ATP11C: variants seen among roughly 807,000 people sequenced by gnomAD.
ATP11C encodes the protein ATPase phospholipid transporting 11C (ATP11C blood group).
A neutral mutation model predicts 97.4 loss-of-function variants in ATP11C; 36 were observed. The ratio of observed to expected loss-of-function variants is 0.37; its 90% confidence interval spans 0.28 to 0.49. ATP11C has a LOEUF of 0.49. Ranked by LOEUF, ATP11C falls within the 20% of genes least tolerant of loss-of-function variation. The pLI is 0.98. For synonymous variants in ATP11C, 275 were observed against 290.9 expected, an observed-to-expected ratio of 0.95 and a Z score of 0.56; for missense variants, 730 against 824.6, an observed-to-expected ratio of 0.89 and a Z score of 1.40.
intron 18 of ATP11C, among the ~76,000 whole-genome samples, chrX:139,776,808 C>T (rs1416679100): frequency 8.9e-6 from 1 of 111,896 alleles, no homozygotes; most frequent in African/African-American, 3.3e-5. Context: ...GACACCTCCA[C>T]ACCCTTAGCC....
At chrX:139,753,701 G>C (rs2081871719) in intron 23 of ATP11C, among the ~76,000 whole-genome samples, 1 of 111,088 alleles carries the variant, frequency 9.0e-6, no homozygotes, top group South Asian at 3.8e-4. Flanking sequence ...TCAGCTACTT[G>C]GGAGGCTGAG....
At chrX:139,928,536 T>C (rs2085387915) in intron 1 of ATP11C, among the ~76,000 whole-genome samples, 1 of 112,143 alleles carries the variant, frequency 8.9e-6, no homozygotes, top group African/African-American at 3.2e-5. Context: ...CTCCATATAT[T>C]GCTTCATTAG....
At chrX:139,815,462 T>A (rs1179017726) in intron 4 of ATP11C, among the ~76,000 whole-genome samples, 1 of 111,849 alleles carries the variant, frequency 8.9e-6, no homozygotes, top group Non-Finnish European at 1.9e-5. Context: ...CAGAGAATAA[T>A]AGAAAAGGCA....
intron 1 of ATP11C, among the ~76,000 whole-genome samples, chrX:139,871,516 CTTT>C (rs1206468631): frequency 2.6e-5 from 2 of 77,180 alleles, no homozygotes. Flanking sequence ...GCCACCCCCG[CTTT>C]TTTTTTTTTT....
At chrX:139,931,376 C>A (rs1194809774) in intron 1 of ATP11C, among the ~76,000 whole-genome samples, 3 of 112,196 alleles carry the variant, frequency 2.7e-5, no homozygotes, top group South Asian at 3.7e-4. Flanking sequence ...GCAGCACGGG[C>A]AGTGGCGGCG....
chrX:139,781,534 G>A (rs1465613714), intron 18 of ATP11C, among the ~76,000 whole-genome samples: 1 of 111,068 alleles, frequency 9.0e-6, no homozygotes. Flanking sequence ...CCAACATGGC[G>A]AAACCCCGCC....
chrX:139,796,189 G>A, intron 12 of ATP11C, 84 bp downstream of exon 12: 1 of 708,123 alleles, frequency 1.4e-6, no homozygotes, highest in Non-Finnish European at 2.0e-6. Context: ...ATGTGACATG[G>A]TCACATATAT....
chrX:139,914,086 CTT>C, intron 1 of ATP11C, among the ~76,000 whole-genome samples: 1 of 111,985 alleles, frequency 8.9e-6, no homozygotes, highest in Non-Finnish European at 1.9e-5. Context: ...TGGGAAATAA[CTT>C]AGATATATAT....
At chrX:139,929,183 G>A (rs1167125555) in intron 1 of ATP11C, among the ~76,000 whole-genome samples, 1 of 111,556 alleles carries the variant, frequency 9.0e-6, no homozygotes, top group Non-Finnish European at 1.9e-5. Flanking sequence ...GAGAACAGGT[G>A]GTGCTTTTAT....
intron 22 of ATP11C, among the ~76,000 whole-genome samples, chrX:139,761,639 T>G (rs1025850370): frequency 3.6e-5 from 4 of 111,915 alleles, no homozygotes; most frequent in Non-Finnish European, 7.5e-5. Context: ...AAATGTTCTA[T>G]TTTTTGATTG....
rs2082564545 is a variant in ATP11C at position 139,785,989 on chromosome X, A to C, written c.1593-690T>G. Among the ~76,000 whole-genome samples the C allele has an allele frequency of 1.8e-5, 2 of 111,355 alleles. 1 individual carries two copies. The highest frequency in any genetic ancestry group is 1.9e-4 in the Admixed American group (2 of 10,433). The stretch of plus-strand genomic sequence containing the variant: ...TTAAGTAGTTCACCAATGCCCAAAA[A>C]ACTCATCAATAGGGGAATAGTAAGA... On this transcript the variant is annotated intron_variant, in intron 15 of 29. Coordinates refer to ENST00000682941, the MANE Select transcript of ATP11C (RefSeq NM_001353812.2).
At chrX:139,740,762 G>A (rs1326800641) in intron 27 of ATP11C, among the ~76,000 whole-genome samples, 2 of 111,156 alleles carry the variant, frequency 1.8e-5, no homozygotes, top group African/African-American at 6.5e-5. Context: ...AGCTACCAAA[G>A]GGAGGTCTTC....
chrX:139,899,403 A>G (rs1236786506), intron 1 of ATP11C, among the ~76,000 whole-genome samples: 3 of 108,187 alleles, frequency 2.8e-5, no homozygotes, highest in African/African-American at 1.0e-4. Context: ...CTTGCACCTG[A>G]GAGGCAGAGG....
rs1263335193 is a variant in ATP11C, at chrX:139,750,037, G to A, written c.2816C>T (p.Pro939Leu). 2 of 1,200,397 alleles carry A rather than the reference G, an allele frequency of 1.7e-6. No homozygotes were observed. The highest frequency in any genetic ancestry group is 3.5e-5 in the African/African-American group (2 of 56,939). Residue 939 changes from proline (P) to leucine (L), a missense_variant, in exon 24 of 30, where the codon CCC becomes CTC. Transcript: ENST00000682941. ...ATATTTAACTTACATATACAATCGG[G>A]GATCTGAGGTCAGAGTGTCAATGTT... ...HINIDTLTSD[P>L]RLYMKISGNA...
chrX:139,820,648 G>C (rs930673466), intron 2 of ATP11C, among the ~76,000 whole-genome samples: 4 of 109,236 alleles, frequency 3.7e-5, no homozygotes, highest in Non-Finnish European at 7.6e-5. Context: ...TTGGTAATTG[G>C]TAATAGGTAA....
chrX:139,928,322 AATAC>A (rs1449996695), intron 1 of ATP11C, among the ~76,000 whole-genome samples: 3 of 112,099 alleles, frequency 2.7e-5, no homozygotes, highest in African/African-American at 9.7e-5. Flanking sequence ...AAAATATTGC[AATAC>A]ATACATACAG....
intron 1 of ATP11C, among the ~76,000 whole-genome samples, chrX:139,920,330 C>G (rs2085237360): frequency 9.7e-6 from 1 of 103,410 alleles, no homozygotes; most frequent in African/African-American, 3.5e-5. Flanking sequence ...GCACTCCAGC[C>G]TGGGTGACAG....
intron 1 of ATP11C, among the ~76,000 whole-genome samples, chrX:139,870,650 G>C (rs1226220405): frequency 8.9e-6 from 1 of 112,337 alleles, no homozygotes; most frequent in Non-Finnish European, 1.9e-5. Flanking sequence ...GGAATACTGT[G>C]GGACATCTAT....
At chrX:139,877,134 A>C (rs1029355587) in intron 1 of ATP11C, among the ~76,000 whole-genome samples, 7 of 111,915 alleles carry the variant, frequency 6.3e-5, no homozygotes, top group Admixed American at 1.9e-4. Flanking sequence ...TGCTATTTCA[A>C]AGGCAATTCC....
Sources: allele counts gnomAD v4.1 joint callset (sites outside exome capture counted in the v4.1 genomes callset), GRCh38; gene constraint gnomAD v4.1.1; transcripts MANE v1.5; gene names NCBI Gene and HGNC (gene_info 2026-07-23, HGNC 2026-07-21).